The following SPECC1 variants were observed in gnomAD, a reference collection of about 807,000 sequenced individuals.
SPECC1 encodes the protein cytospin-B.
SPECC1 carries 62 observed loss-of-function variants against 104.1 expected under a neutral mutation model. The ratio of observed to expected loss-of-function variants is 0.60; its 90% CI spans 0.49 to 0.74. The LOEUF (loss-of-function observed/expected upper bound fraction) is 0.74, where lower values mean the gene tolerates loss of function less well. Ranked by LOEUF, SPECC1 falls within the 30% of genes least tolerant of loss-of-function variation. The pLI, the probability that SPECC1 is intolerant of heterozygous loss-of-function variation, is 0.00. For missense variants in SPECC1, 1,306 were observed against 1,310.5 expected (o/e 1.00, Z 0.05); for synonymous variants, 513 against 501.6 (o/e 1.02, Z -0.30).
intron 8 of SPECC1, 38 bp from the exon 9 acceptor site, chr17:20,247,181 G>C (rs1369477939): frequency 6.6e-7 from 1 of 1,516,002 alleles, no homozygotes; most frequent in Non-Finnish European, 9.1e-7. Context: ...TTTTGAAGTG[G>C]AACAACATAT....
At chr17:20,083,210 G>A (rs754514451) in intron 1 of SPECC1, among the ~76,000 whole-genome samples, 10 of 152,322 alleles carry the variant, frequency 6.6e-5, no homozygotes, top group Middle Eastern at 6.8e-3. Flanking sequence ...ACAGCAGAAG[G>A]GGTCTGAATG....
intron 3 of SPECC1, among the ~76,000 whole-genome samples, chr17:20,186,546 G>A (rs992240824): frequency 6.6e-6 from 1 of 152,140 alleles, no homozygotes; most frequent in Non-Finnish European, 1.5e-5. Flanking sequence ...ATGCCAAATG[G>A]TTTACGTGAT....
At chr17:20,078,453 G>A (rs1371749302) in intron 1 of SPECC1, among the ~76,000 whole-genome samples, 1 of 152,034 alleles carries the variant, frequency 6.6e-6, no homozygotes, top group Non-Finnish European at 1.5e-5. Flanking sequence ...AATAGTCATA[G>A]AAATGCAAAT....
At chr17:20,306,762 T>G (rs147679678) in intron 14 of SPECC1, among the ~76,000 whole-genome samples, 1 of 152,374 alleles carries the variant, frequency 6.6e-6, no homozygotes, top group Non-Finnish European at 1.5e-5. Flanking sequence ...ATATCTGTGC[T>G]GCATGAAGCC....
intron 12 of SPECC1, among the ~76,000 whole-genome samples, chr17:20,287,067 A>G (rs1232302718): frequency 6.6e-6 from 1 of 152,198 alleles, no homozygotes; most frequent in Admixed American, 6.5e-5. Flanking sequence ...TGAGGGTGCA[A>G]CACACTGCAT....
intron 2 of SPECC1, among the ~76,000 whole-genome samples, chr17:20,098,652 A>G (rs1388662827): frequency 6.6e-6 from 1 of 152,190 alleles, no homozygotes; most frequent in Non-Finnish European, 1.5e-5. Context: ...TCGGATTGCC[A>G]GGTGCACTCC....
chr17:20,058,870 C>T lies in SPECC1; in HGVS notation c.-21-37761C>T, dbSNP rs569242732. Among the ~76,000 whole-genome samples, 13 of 124,126 alleles carry T rather than the reference C, an allele frequency of 1.0e-4. No homozygotes were observed. In the South Asian group the frequency reaches 2.7e-3, roughly 26 times the overall value. The allele number at this position is 124,126 out of a possible 152,430, so 81.4% of individuals were successfully genotyped here. A position where few individuals can be genotyped will look rare whatever the true frequency, so the allele number is the denominator to read the frequency against. ...TTTTTTTTTTTTTGAGACAGAGTAT[C>T]GCTCTGTCGCCCAGGCTGGAGTGCA... On this transcript the variant is annotated intron_variant, in intron 1 of 14. Coordinates refer to ENST00000395527, the MANE Select transcript of SPECC1 (RefSeq NM_001243439.2).
intron 10 of SPECC1, among the ~76,000 whole-genome samples, chr17:20,255,307 G>A (rs1411511500): frequency 6.6e-6 from 1 of 152,184 alleles, no homozygotes; most frequent in East Asian, 1.9e-4. Context: ...ACTAGGAGGG[G>A]AGTGGAGGAG....
At chr17:20,207,627 A>G (rs1308949111) in intron 4 of SPECC1, among the ~76,000 whole-genome samples, 1 of 152,238 alleles carries the variant, frequency 6.6e-6, no homozygotes, top group Non-Finnish European at 1.5e-5. Flanking sequence ...TTTATTACAG[A>G]CGATTTAAAA....
chr17:20,195,365 TTAA>T (rs1452543305), intron 3 of SPECC1, among the ~76,000 whole-genome samples: 8 of 123,970 alleles, frequency 6.5e-5, no homozygotes, highest in African/African-American at 2.8e-5. Flanking sequence ...ATTATAATTA[TTAA>T]TAACACACTA....
intron 1 of SPECC1, chr17:20,087,046 G>C (rs2047206951): frequency 6.6e-6 from 1 of 152,146 alleles, no homozygotes; most frequent in South Asian, 2.1e-4. Context: ...TTGGATAAAA[G>C]ATAAGGTACT....
At position 20,245,384 on chromosome 17, in the gene SPECC1, G is replaced by A. The variant is rs115374256; in HGVS notation, c.2352-542G>A. Among the ~76,000 whole-genome samples, 388 of 152,150 alleles carry A rather than the reference G, an allele frequency of 2.6e-3. 1 individual carries two copies. Among genetic ancestry groups the A allele is most frequent in the African/African-American group, 7.8e-3 (322 of 41,504 alleles). ...GTCTCTGTCTACATAGTGAATGCCC[G>A]GTGCCCTGCCTCTCTTCCTCTGATT... On this transcript the variant is annotated intron_variant, in intron 7 of 14. Coordinates refer to ENST00000395527, the MANE Select transcript of SPECC1 (RefSeq NM_001243439.2).
At chr17:20,198,116 T>C (rs996055436) in intron 3 of SPECC1, among the ~76,000 whole-genome samples, 12 of 152,154 alleles carry the variant, frequency 7.9e-5, no homozygotes, top group African/African-American at 2.9e-4. Flanking sequence ...GAAAATTACT[T>C]TTTTTTGTTC....
chr17:20,214,646 T>G (rs2037369913), intron 4 of SPECC1, among the ~76,000 whole-genome samples: 1 of 152,204 alleles, frequency 6.6e-6, no homozygotes, highest in Non-Finnish European at 1.5e-5. Context: ...TAGCTGGGAT[T>G]ACAGGCACCT....
chr17:20,130,717 A>G (rs969144921), intron 3 of SPECC1, among the ~76,000 whole-genome samples: 7 of 152,208 alleles, frequency 4.6e-5, no homozygotes, highest in Non-Finnish European at 8.8e-5. Context: ...TGTTCTAGCT[A>G]GTCTAGTTCC....
intron 1 of SPECC1, among the ~76,000 whole-genome samples, chr17:20,016,784 G>C (rs1368914325): frequency 6.6e-6 from 1 of 152,214 alleles, no homozygotes; most frequent in South Asian, 2.1e-4. Context: ...CAGTCCCATC[G>C]ACCACCAGAG....
In SPECC1 at chr17:20,252,494, ACT is replaced by A. The variant is rs144221721; in HGVS notation, c.2599-1008_2599-1007del. Among the ~76,000 whole-genome samples, 932 of 151,308 alleles carry A rather than the reference ACT, an allele frequency of 6.2e-3. 11 individuals carry two copies. The highest frequency in any genetic ancestry group is 0.022 in the African/African-American group (899 of 41,170). On this transcript the variant is annotated intron_variant, in intron 9 of 14. Coordinates refer to ENST00000395527, the MANE Select transcript of SPECC1 (RefSeq NM_001243439.2). ...AACTTTGTTATCTTGCCTGACTGAAACTCTGTATCCACGGAACAATTCCCCAC... is the reference window on the plus strand; with the variant it reads ...AACTTTGTTATCTTGCCTGACTGAAACTGTATCCACGGAACAATTCCCCAC...
chr17:20,195,681 CT>C (rs1338572568), intron 3 of SPECC1, among the ~76,000 whole-genome samples: 1 of 151,990 alleles, frequency 6.6e-6, no homozygotes, highest in Non-Finnish European at 1.5e-5. Context: ...CCTCAACATC[CT>C]GAGTAGCTGA....
At chr17:20,308,643 A>C (rs1164345409) in intron 14 of SPECC1, among the ~76,000 whole-genome samples, 1 of 152,216 alleles carries the variant, frequency 6.6e-6, no homozygotes, top group African/African-American at 2.4e-5. Context: ...TTATGCTTTA[A>C]AATGTAGTCA....
Sources: gnomAD v4.1 joint callset for allele counts (sites outside exome capture counted in the v4.1 genomes callset) on GRCh38, gnomAD v4.1.1 for gene constraint, MANE v1.5 for transcripts, NCBI Gene and HGNC (gene_info 2026-07-23, HGNC 2026-07-21) for gene names.